GOLGA1: variants seen among roughly 807,000 people sequenced by gnomAD.
The protein encoded by GOLGA1 is golgin A1.
In GOLGA1, 63 loss-of-function variants were observed where a neutral mutation model predicts 119.7. That is an observed-to-expected ratio of 0.53 (90% CI 0.43 to 0.65). The LOEUF is 0.65. GOLGA1 is among the 30% of genes least tolerant of loss of function. The probability of loss-of-function intolerance (pLI) is 0.00; values close to 1 mark genes in which losing one functional copy is unlikely to be tolerated. For synonymous variants in GOLGA1, 318 were observed against 333.4 expected, an observed-to-expected ratio of 0.95 and a Z score of 0.50; for missense variants, 798 against 912.8, an observed-to-expected ratio of 0.87 and a Z score of 1.62.
At chr9:124,927,309 C>T (rs1830693543) in intron 6 of GOLGA1, among the ~76,000 whole-genome samples, 1 of 152,024 alleles carries the variant, frequency 6.6e-6, no homozygotes, top group Non-Finnish European at 1.5e-5. Context: ...GAAAAAAAGC[C>T]CATTTGCACA....
chr9:124,936,142 T>A (rs867939554), intron 3 of GOLGA1, among the ~76,000 whole-genome samples: 3 of 152,304 alleles, frequency 2.0e-5, no homozygotes, highest in Middle Eastern at 3.4e-3. Context: ...GGTGTCAGCA[T>A]GAAGGCAAAA....
intron 3 of GOLGA1, among the ~76,000 whole-genome samples, chr9:124,936,576 G>A (rs1727668232): frequency 6.6e-6 from 1 of 150,800 alleles, no homozygotes; most frequent in Non-Finnish European, 1.5e-5. Context: ...AAGAAGCTAG[G>A]ACTACAGGCA....
At chr9:124,900,754 T>TA (rs1375900537) in intron 12 of GOLGA1, among the ~76,000 whole-genome samples, 1 of 152,248 alleles carries the variant, frequency 6.6e-6, no homozygotes, top group Non-Finnish European at 1.5e-5. Flanking sequence ...CTTTTGTTTA[T>TA]AGCTTTATAT....
Position 124,946,675 on chromosome 9 carries a change from C to T in GOLGA1, c.-156+1243G>A, listed in dbSNP as rs140061777. The T allele has an allele frequency of 1.7e-4, 26 of 152,314 alleles. No individual in the cohort carries two copies. The highest frequency in any genetic ancestry group is 6.3e-4 in the African/African-American group (26 of 41,574). The allele number at this position is 152,314 out of a possible 1,614,324, so 9.4% of individuals were successfully genotyped here. A position where few individuals can be genotyped will look rare whatever the true frequency, so the allele number is the denominator to read the frequency against. ...TGGCATTGCACGTATTTACTATCCT[C>T]TTATCCTCCCCAACCCTATCATCCT... On this transcript the variant is annotated intron_variant, in intron 1 of 4. Transcript: ENST00000421514. This position sits in a 1 kb window ranked among gnomAD's most constrained non-coding sequence, Gnocchi z 4.0.
rs11343969 is a variant in GOLGA1, at chr9:124,937,630, CAA to C, written c.135+945_135+946del. Among the ~76,000 whole-genome samples the C allele has an allele frequency of 1.5e-3, 190 of 130,584 alleles. 1 individual carries two copies. Among genetic ancestry groups the C allele is most frequent in the African/African-American group, 2.8e-3 (98 of 35,438 alleles). 85.7% of individuals were successfully genotyped at this position (130,584 alleles called of 152,430 possible). A position where few individuals can be genotyped will look rare whatever the true frequency, so the allele number is the denominator to read the frequency against. On this transcript the variant is annotated intron_variant, in intron 3 of 22. Transcript: ENST00000373555. The stretch of plus-strand genomic sequence containing the variant: ...TGGCTGACAGAGTGAGACTCTGTCT[CAA>C]AAAAAAAAAAAAGAAGAGAAAAGAA...
At chr9:124,927,603 G>A (rs1018500805) in intron 6 of GOLGA1, among the ~76,000 whole-genome samples, 2 of 152,080 alleles carry the variant, frequency 1.3e-5, no homozygotes, top group Non-Finnish European at 2.9e-5. Flanking sequence ...AATTTAAAAT[G>A]TCATCTATTA....
At chr9:124,930,917 A>G (rs1471513624) in intron 4 of GOLGA1, among the ~76,000 whole-genome samples, 1 of 152,176 alleles carries the variant, frequency 6.6e-6, no homozygotes, top group Non-Finnish European at 1.5e-5. Context: ...TATGAGCTGC[A>G]GGAAGTGGCA....
intron 15 of GOLGA1, among the ~76,000 whole-genome samples, chr9:124,891,642 T>C (rs1005145987): frequency 1.3e-5 from 2 of 152,120 alleles, no homozygotes; most frequent in Non-Finnish European, 1.5e-5. Context: ...CCCATTCTTT[T>C]GTTTTTTTTT....
In GOLGA1 at chr9:124,879,760, A is replaced by AT. The variant is rs1829530533; in HGVS notation, c.*769dup. 6.6e-6 allele frequency: 1 copy of AT among 152,614 alleles called. No homozygotes were observed. The highest frequency in any genetic ancestry group is 1.5e-5 in the Non-Finnish European group (1 of 68,044). The allele number at this position is 152,614 out of a possible 1,614,324, so 9.5% of individuals were successfully genotyped here. A position where few individuals can be genotyped will look rare whatever the true frequency, so the allele number is the denominator to read the frequency against. On this transcript the variant is annotated 3_prime_UTR_variant, in exon 23 of 23. Coordinates refer to ENST00000373555, the MANE Select transcript of GOLGA1 (RefSeq NM_002077.4). ...ATTTTATAGTACAGAAGACATGTTT[A>AT]TAGTAGTGAAGAACTTCAGCTATAA...
chr9:124,912,159 C>A, intron 10 of GOLGA1, 133 bp from the exon 11 acceptor site: 1 of 761,640 alleles, frequency 1.3e-6, no homozygotes, highest in Non-Finnish European at 2.1e-6. Flanking sequence ...GCTAAGAGAT[C>A]TTCCTGAAAA....
At chr9:124,922,991 A>T (rs192393242) in intron 8 of GOLGA1, 104 bp downstream of exon 8, 545 of 696,184 alleles carry the variant, frequency 7.8e-4, no homozygotes, top group Non-Finnish European at 1.2e-3. Context: ...TTAATATCAC[A>T]TATTACTGGT....
rs539098207 is a variant in GOLGA1 at position 124,919,861 on chromosome 9, CATACA to C, written c.843+1263_843+1267del. ...AATGTCGCGCAATGCAATGGACAAT[CATACA>C]ATACGAGTTGTTCTGCTCAAAATGC... On this transcript the variant is annotated intron_variant, in intron 10 of 22. Transcript: ENST00000373555. Among the ~76,000 whole-genome samples, 1,320 of 152,244 alleles carry C rather than the reference CATACA, an allele frequency of 8.7e-3. 10 individuals carry two copies. Among genetic ancestry groups the C allele is most frequent in the Non-Finnish European group, 0.015 (1,019 of 68,018 alleles).
chr9:124,930,631 G>A (rs1437928093), intron 4 of GOLGA1, among the ~76,000 whole-genome samples: 2 of 152,134 alleles, frequency 1.3e-5, no homozygotes, highest in Non-Finnish European at 1.5e-5. Context: ...AATAAAATGG[G>A]CATTAAAAGG....
chr9:124,911,693 A>G (rs1830344124), intron 11 of GOLGA1, among the ~76,000 whole-genome samples: 1 of 151,978 alleles, frequency 6.6e-6, no homozygotes, highest in Non-Finnish European at 1.5e-5. Flanking sequence ...CTCTGAATAC[A>G]GCTCTCCCTT....
In GOLGA1 at chr9:124,928,747, C is replaced by T. The variant is rs564393975; in HGVS notation, c.302-462G>A. ...TATCAACAAAAAAAATAACTTTCTA[C>T]TTCTACTAACATCTTTCTTGGATGG... is the stretch of plus-strand genomic sequence containing the variant. On this transcript the variant is annotated intron_variant, in intron 5 of 22. Transcript: ENST00000373555. Among the ~76,000 whole-genome samples, 42 of 152,296 alleles carry T rather than the reference C, an allele frequency of 2.8e-4. No individual in the cohort carries two copies. The South Asian group carries it at 8.3e-3, about 30-fold the overall frequency.
At chr9:124,907,971 C>T (rs1203803381) in intron 12 of GOLGA1, among the ~76,000 whole-genome samples, 1 of 152,138 alleles carries the variant, frequency 6.6e-6, no homozygotes, top group East Asian at 1.9e-4. Flanking sequence ...ATGTCTACCA[C>T]ATAGATAACT....
At chr9:124,891,643 G>T (rs1035562219) in intron 15 of GOLGA1, among the ~76,000 whole-genome samples, 1 of 146,054 alleles carries the variant, frequency 6.8e-6, no homozygotes, top group African/African-American at 2.5e-5. Flanking sequence ...CCATTCTTTT[G>T]TTTTTTTTTT....
intron 13 of GOLGA1, 87 bp from the exon 14 acceptor site, chr9:124,899,565 A>G (rs1362595142): frequency 1.5e-6 from 2 of 1,298,102 alleles, no homozygotes; most frequent in East Asian, 5.1e-5. Flanking sequence ...GAAGATGAGT[A>G]TCCAACAGAA....
At chr9:124,929,967 G>C (rs960319414) in intron 4 of GOLGA1, among the ~76,000 whole-genome samples, 1 of 152,162 alleles carries the variant, frequency 6.6e-6, no homozygotes, top group Admixed American at 6.6e-5. Flanking sequence ...TGTAGTATTA[G>C]TTTCTTCATA....
Sources: gnomAD v4.1 joint callset for allele counts (sites outside exome capture counted in the v4.1 genomes callset) on GRCh38, gnomAD v4.1.1 for gene constraint, Gnocchi (gnomAD v3.1) non-coding constraint, MANE v1.5 for transcripts, NCBI Gene and HGNC (gene_info 2026-07-23, HGNC 2026-07-21) for gene names.